CNGB3: variants seen among roughly 807,000 people sequenced by gnomAD.
The protein encoded by CNGB3 is cyclic nucleotide-gated channel beta-3.
CNGB3 carries 86 observed loss-of-function variants against 92.8 expected under a neutral mutation model. The observed-to-expected ratio is 0.93, with a 90% confidence interval of 0.78 to 1.11. The LOEUF (loss-of-function observed/expected upper bound fraction) is 1.11, where lower values mean the gene tolerates loss of function less well. CNGB3 is among the 50% of genes least tolerant of loss of function. CNGB3 has a pLI of 0.00. For synonymous variants in CNGB3, 333 were observed against 332.7 expected (o/e 1.00, Z -0.01); for missense variants, 1,026 against 956.8 (o/e 1.07, Z -0.95).
intron 15 of CNGB3, among the ~76,000 whole-genome samples, chr8:86,590,866 C>T (rs2131546008): frequency 6.6e-6 from 1 of 151,132 alleles, no homozygotes; most frequent in Middle Eastern, 3.4e-3. Flanking sequence ...CTCTGTATTT[C>T]CTGAATCTGA....
intron 6 of CNGB3, chr8:86,661,590 C>T: frequency 2.6e-6 from 2 of 765,200 alleles, no homozygotes; most frequent in Non-Finnish European, 2.4e-6. Flanking sequence ...TCAATTCCTT[C>T]ATCCTCCAAC....
intron 17 of CNGB3, among the ~76,000 whole-genome samples, chr8:86,578,131 G>C (rs562232438): frequency 6.6e-6 from 1 of 151,988 alleles, no homozygotes; most frequent in Non-Finnish European, 1.5e-5. Context: ...GAATGGTCTC[G>C]ATCTCCTGCC....
intron 7 of CNGB3, among the ~76,000 whole-genome samples, chr8:86,649,736 T>C (rs1008152304): frequency 6.6e-6 from 1 of 151,792 alleles, no homozygotes; most frequent in Non-Finnish European, 1.5e-5. Flanking sequence ...GACATTGGCC[T>C]AGGCAAAGAA....
chr8:86,649,760 C>T (rs1823362081), intron 7 of CNGB3, among the ~76,000 whole-genome samples: 1 of 151,502 alleles, frequency 6.6e-6, no homozygotes, highest in African/African-American at 2.4e-5. Context: ...ATGACTAAAG[C>T]CCCAAAAGCA....
chr8:86,601,193 A>G (rs760170793), intron 15 of CNGB3, among the ~76,000 whole-genome samples: 19 of 152,214 alleles, frequency 1.2e-4, no homozygotes, highest in Non-Finnish European at 2.4e-4. Flanking sequence ...TGGCAACACA[A>G]GAATAAAAAC....
chr8:86,679,501 G>A (rs1249497842), intron 3 of CNGB3, among the ~76,000 whole-genome samples: 1 of 150,304 alleles, frequency 6.7e-6, no homozygotes, highest in Non-Finnish European at 1.5e-5. Context: ...TAGGATTGGT[G>A]TCCTTTTTCT....
intron 2 of CNGB3, among the ~76,000 whole-genome samples, chr8:86,729,315 A>G (rs1825120424): frequency 6.6e-6 from 1 of 152,154 alleles, no homozygotes; most frequent in South Asian, 2.1e-4. Flanking sequence ...TGCTAGTACC[A>G]ATTAAATGAC....
intron 3 of CNGB3, among the ~76,000 whole-genome samples, chr8:86,686,554 G>A (rs1344291473): frequency 6.6e-6 from 1 of 152,054 alleles, no homozygotes; most frequent in African/African-American, 2.4e-5. Context: ...TGATATTTGA[G>A]AAGAAGAGAT....
rs781310742 is a variant in CNGB3, at chr8:86,578,650, C to G, written c.2103+39G>C. 58 of 1,604,632 alleles carry G rather than the reference C, an allele frequency of 3.6e-5. 1 individual carries two copies. The Admixed American group carries it at 6.0e-4, about 17-fold the overall frequency. ...TGTGTGTATATACTTAGTCTGGGGC[C>G]TTCTCCATGACAGCCGTCCATTCAC... On this transcript the variant is annotated intron_variant, in intron 17 of 17. Transcript: ENST00000320005.
intron 3 of CNGB3, among the ~76,000 whole-genome samples, chr8:86,714,851 G>A (rs762480509): frequency 2.0e-5 from 3 of 152,048 alleles, no homozygotes; most frequent in African/African-American, 7.3e-5. Context: ...ACGTGGGAGC[G>A]GGTGAGGCCT....
In CNGB3 at chr8:86,619,910, T is replaced by C. The variant is rs113761340; in HGVS notation, c.1578+6073A>G. Among the ~76,000 whole-genome samples, 1,431 of 151,928 alleles carry C rather than the reference T, an allele frequency of 9.4e-3. 27 individuals carry two copies. The highest frequency in any genetic ancestry group is 0.033 in the African/African-American group (1,349 of 41,398). ...CTAAATTTTCTATTATTTGTAAAGATGAGGTCTCACTATGTTGCCAGGCTG... is the reference window on the plus strand; with the variant it reads ...CTAAATTTTCTATTATTTGTAAAGACGAGGTCTCACTATGTTGCCAGGCTG... On this transcript the variant is annotated intron_variant, in intron 13 of 17. Transcript: ENST00000320005.
chr8:86,616,960 G>C (rs1822633410), intron 13 of CNGB3, among the ~76,000 whole-genome samples: 1 of 152,154 alleles, frequency 6.6e-6, no homozygotes, highest in Admixed American at 6.5e-5. Context: ...TGTCTCATCA[G>C]GGTTTAGGGC....
chr8:86,676,613 C>A lies in CNGB3; in HGVS notation c.339-5515G>T, dbSNP rs565109600. Reference sequence around the variant, plus strand: ...TGACTTGAAGAAGGGAGATAATCAACTTAAAATATGTAGGTTAATGTCAGA... The same window carrying A: ...TGACTTGAAGAAGGGAGATAATCAAATTAAAATATGTAGGTTAATGTCAGA... On this transcript the variant is annotated intron_variant, in intron 3 of 17. Transcript: ENST00000320005. Among the ~76,000 whole-genome samples the A allele has an allele frequency of 1.7e-4, 26 of 152,242 alleles. 2 individuals carry two copies. In the South Asian group the frequency reaches 5.4e-3, roughly 32 times the overall value.
intron 15 of CNGB3, among the ~76,000 whole-genome samples, chr8:86,603,852 G>A (rs1272876891): frequency 6.6e-6 from 1 of 152,062 alleles, no homozygotes; most frequent in African/African-American, 2.4e-5. Context: ...ACATATACTG[G>A]GAACCTGCTT....
intron 3 of CNGB3, among the ~76,000 whole-genome samples, chr8:86,695,169 G>T (rs924794935): frequency 6.6e-6 from 1 of 151,674 alleles, no homozygotes; most frequent in Admixed American, 6.6e-5. Context: ...TGGCGGTGGC[G>T]CCTGCAATCG....
At chr8:86,606,219 C>T (rs1822410089) in intron 14 of CNGB3, among the ~76,000 whole-genome samples, 1 of 140,174 alleles carries the variant, frequency 7.1e-6, no homozygotes, top group African/African-American at 2.7e-5. Flanking sequence ...GGCATGATCT[C>T]AGCTCACTGC....
intron 6 of CNGB3, chr8:86,659,215 T>A (rs1400606802): frequency 4.1e-6 from 3 of 728,764 alleles, no homozygotes; most frequent in Admixed American, 1.8e-5. Context: ...TGCTACCGCA[T>A]GGCCCTCCCT....
intron 3 of CNGB3, among the ~76,000 whole-genome samples, chr8:86,717,634 A>G (rs1212946982): frequency 6.6e-6 from 1 of 151,994 alleles, no homozygotes; most frequent in African/African-American, 2.4e-5. Context: ...CAAGACGGAA[A>G]ACCAACAAAG....
intron 10 of CNGB3, among the ~76,000 whole-genome samples, chr8:86,639,281 G>A (rs1823133698): frequency 6.6e-6 from 1 of 151,806 alleles, no homozygotes; most frequent in East Asian, 1.9e-4. Context: ...AAAATACATT[G>A]GGAACATTTT....
Sources: allele counts gnomAD v4.1 joint callset (sites outside exome capture counted in the v4.1 genomes callset), GRCh38; gene constraint gnomAD v4.1.1; transcripts MANE v1.5; gene names NCBI Gene and HGNC (gene_info 2026-07-23, HGNC 2026-07-21).